Variants in TET2 observed in about 807,000 individuals in gnomAD.
TET2 encodes the protein tet methylcytosine dioxygenase 2.
A neutral mutation model predicts 142.9 loss-of-function variants in TET2; 299 were observed. The observed-to-expected ratio is 2.09, with a 90% CI of 1.90 to 2.30. The LOEUF (loss-of-function observed/expected upper bound fraction) is 2.30, where lower values mean the gene tolerates loss of function less well. Ranked by LOEUF, TET2 falls within the 30% of genes most tolerant of loss-of-function variation. The pLI is 0.00. For synonymous variants in TET2, 819 were observed against 849.0 expected (o/e 0.96, Z 0.61); for missense variants, 2,418 against 2,378.0 (o/e 1.02, Z -0.35).
At chr4:105,255,700 T>A (rs1466533546) in intron 6 of TET2, among the ~76,000 whole-genome samples, 3 of 152,164 alleles carry the variant, frequency 2.0e-5, no homozygotes, top group Non-Finnish European at 4.4e-5. Context: ...GAACTTTTTA[T>A]TATAAAATGT....
intron 6 of TET2, among the ~76,000 whole-genome samples, chr4:105,246,875 A>G (rs1729608194): frequency 6.6e-6 from 1 of 152,158 alleles, no homozygotes; most frequent in South Asian, 2.1e-4. Flanking sequence ...GTAAAAACTG[A>G]TTTTTACATT....
chr4:105,242,920 C>T lies in TET2; in HGVS notation c.3587C>T (p.Ala1196Val), dbSNP rs1729382515. 1 of 1,550,600 alleles carries T rather than the reference C, an allele frequency of 6.4e-7. No homozygotes were observed. Among genetic ancestry groups the T allele is most frequent in the Admixed American group, 2.0e-5 (1 of 50,968 alleles). ...AAAAGTTCTCAGGGATGTCCTATTGCTAAGTGGGTAAGTGTGACTTGATAA... is the reference window on the plus strand; with the variant it reads ...AAAAGTTCTCAGGGATGTCCTATTGTTAAGTGGGTAAGTGTGACTTGATAA... ...EGKSSQGCPI[A>V]KWVVRRSSSE... Residue 1196 changes from alanine to valine, a missense_variant, in exon 5 of 11, where the codon GCT becomes GTT. Transcript: ENST00000380013.
intron 1 of TET2, among the ~76,000 whole-genome samples, chr4:105,164,209 A>G (rs1021889548): frequency 1.3e-5 from 2 of 152,172 alleles, no homozygotes; most frequent in African/African-American, 4.8e-5. Context: ...TACCCAGCCC[A>G]TGGCAACCAC....
Position 105,153,051 on chromosome 4 carries a change from G to A in TET2, c.-193+6072G>A, listed in dbSNP as rs146184722. Among the ~76,000 whole-genome samples, 5 of 152,148 alleles carry A rather than the reference G, an allele frequency of 3.3e-5. No homozygotes were observed. In the East Asian group the frequency reaches 9.6e-4, roughly 29 times the overall value. On this transcript the variant is annotated intron_variant, in intron 1 of 10. Coordinates refer to ENST00000380013, the MANE Select transcript of TET2 (RefSeq NM_001127208.3). ...ACCCATTTTAAGCACAAAAGTGAAT[G>A]GTTTTTAGTAAACTTATATGGGATC...
chr4:105,237,756 A>AT (rs1729045529), intron 3 of TET2: 2 of 1,165,868 alleles, frequency 1.7e-6, no homozygotes, highest in South Asian at 2.7e-5. Flanking sequence ...AACTTTAAAT[A>AT]TTTTTTAATT....
intron 1 of TET2, among the ~76,000 whole-genome samples, chr4:105,151,548 A>G (rs1723301246): frequency 6.6e-6 from 1 of 151,832 alleles, no homozygotes; most frequent in Non-Finnish European, 1.5e-5. Flanking sequence ...TCCTACCTGC[A>G]GTTTTAAGAA....
At chr4:105,194,396 T>A (rs569301782) in intron 2 of TET2, among the ~76,000 whole-genome samples, 4 of 152,252 alleles carry the variant, frequency 2.6e-5, no homozygotes, top group Admixed American at 2.6e-4. Context: ...TAAGGAGGAA[T>A]GATATTTCTA....
At chr4:105,262,806 G>C (rs188855652) in intron 8 of TET2, among the ~76,000 whole-genome samples, 4 of 152,000 alleles carry the variant, frequency 2.6e-5, no homozygotes, top group Admixed American at 2.6e-4. Context: ...GCTTGAACCT[G>C]GGAGGTGGAG....
At chr4:105,148,157 G>A (rs1463098150) in intron 1 of TET2, among the ~76,000 whole-genome samples, 3 of 152,036 alleles carry the variant, frequency 2.0e-5, no homozygotes, top group Non-Finnish European at 2.9e-5. Context: ...GGTTTGTATG[G>A]AGAGTTTTCT....
rs924321610 is a variant in TET2, at chr4:105,235,131, ACAC to A, written c.1201_1203del (p.Pro401del). On this transcript the variant is annotated inframe_deletion, in exon 3 of 11. Transcript: ENST00000380013. ...TAAGGATTCCTTTTCTGCCACTACC[ACAC>A]CACCACCACCATCACAATTGCTTCT... 8.7e-6 allele frequency: 14 copies of A among 1,613,550 alleles called. No individual in the cohort carries two copies. The highest frequency in any genetic ancestry group is 1.3e-5 in the African/African-American group (1 of 74,852).
chr4:105,206,530 A>G (rs983287553), intron 2 of TET2, among the ~76,000 whole-genome samples: 16 of 152,216 alleles, frequency 1.1e-4, no homozygotes, highest in Non-Finnish European at 1.6e-4. Flanking sequence ...TGCCCTCCAA[A>G]TAAGAGATGA....
At chr4:105,163,301 G>T (rs895834927) in intron 1 of TET2, among the ~76,000 whole-genome samples, 5 of 152,032 alleles carry the variant, frequency 3.3e-5, no homozygotes, top group Non-Finnish European at 7.4e-5. Flanking sequence ...TTGCCACCTG[G>T]ATTGCCACCA....
Position 105,275,405 on chromosome 4 carries a change from A to G in TET2, c.4895A>G (p.Gln1632Arg), listed in dbSNP as rs1341453143. 2 of 1,551,672 alleles carry G rather than the reference A, an allele frequency of 1.3e-6. No homozygotes were observed. Among genetic ancestry groups the G allele is most frequent in the East Asian group, 4.9e-5 (2 of 40,922 alleles). The change falls in exon 11 of 11, where the codon CAA becomes CGA. Residue 1632 changes from glutamine to arginine, a missense_variant. Gln to Arg is a conservative substitution (Grantham distance 43). Coordinates refer to ENST00000380013, the MANE Select transcript of TET2 (RefSeq NM_001127208.3). The part of the protein sequence containing the change: ...LNQNTQYPSY[Q>R]CNGNLSVDNC... ...CAGAATACCCAATATCCATCATATCAATGCAATGGAAACCTATCAGTGGAC... is the reference window on the plus strand; with the variant it reads ...CAGAATACCCAATATCCATCATATCGATGCAATGGAAACCTATCAGTGGAC...
intron 6 of TET2, among the ~76,000 whole-genome samples, chr4:105,246,771 A>T (rs920113632): frequency 6.6e-6 from 1 of 152,236 alleles, no homozygotes; most frequent in African/African-American, 2.4e-5. Flanking sequence ...TGTGAACCTC[A>T]TCACTGAGTT....
intron 8 of TET2, 29 bp from the exon 9 acceptor site, chr4:105,269,581 T>C: frequency 6.5e-7 from 1 of 1,549,712 alleles, no homozygotes; most frequent in Non-Finnish European, 8.7e-7. Flanking sequence ...CTAACTACTT[T>C]CGCATTCACA....
At chr4:105,186,790 A>G (rs1453377064) in intron 1 of TET2, among the ~76,000 whole-genome samples, 1 of 152,104 alleles carries the variant, frequency 6.6e-6, no homozygotes, top group Non-Finnish European at 1.5e-5. Flanking sequence ...CCAAAATAGC[A>G]TCATTAAGCT....
chr4:105,240,006 A>C (rs780312755), intron 3 of TET2: 1 of 241,642 alleles, frequency 4.1e-6, no homozygotes, highest in Non-Finnish European at 8.8e-6. Flanking sequence ...GGCAGAATGC[A>C]CACAACATTT....
At chr4:105,273,025 T>G in intron 10 of TET2, 107 bp downstream of exon 10, 1 of 789,274 alleles carries the variant, frequency 1.3e-6, no homozygotes, top group Non-Finnish European at 2.0e-6. Context: ...GGGGTACACA[T>G]GCAGGATGTG....
rs1389940299 is a variant in TET2 at position 105,243,782 on chromosome 4, A to G, written c.3803+4A>G. On this transcript the variant is annotated splice_donor_region_variant and intron_variant, in intron 6 of 10. Transcript: ENST00000380013. ...GCCGGTGTGCCTTGAATGAAGAGTA[A>G]GTGAAGCCCAGGGCCTCTCCCCTCT... is the stretch of plus-strand genomic sequence containing the variant. 5 of 1,551,064 alleles carry G rather than the reference A, an allele frequency of 3.2e-6. No individual in the cohort carries two copies. Among genetic ancestry groups the G allele is most frequent in the Admixed American group, 2.0e-5 (1 of 50,954 alleles).
Sources: allele counts gnomAD v4.1 joint callset (sites outside exome capture counted in the v4.1 genomes callset), GRCh38; gene constraint gnomAD v4.1.1; transcripts MANE v1.5; gene names NCBI Gene and HGNC (gene_info 2026-07-23, HGNC 2026-07-21).